Variants in CYP7B1 observed in about 807,000 individuals in gnomAD.
CYP7B1 encodes the protein cytochrome P450 family 7 subfamily B member 1, also known as cytochrome P450 7B1.
A neutral mutation model predicts 42.7 loss-of-function variants in CYP7B1; 29 were observed. The observed-to-expected ratio is 0.68, with a 90% confidence interval of 0.51 to 0.93. The LOEUF is 0.93. Among genes scored for constraint, CYP7B1 ranks in the 40% least tolerant of loss-of-function variants. The pLI is 0.00. For synonymous variants in CYP7B1, 235 were observed against 218.2 expected, an observed-to-expected ratio of 1.08 and a Z score of -0.68; for missense variants, 655 against 600.5, an observed-to-expected ratio of 1.09 and a Z score of -0.95.
chr8:64,721,803 C>G (rs1807240398), intron 1 of CYP7B1, among the ~76,000 whole-genome samples: 1 of 151,754 alleles, frequency 6.6e-6, no homozygotes, highest in Non-Finnish European at 1.5e-5. Flanking sequence ...AGATACACAG[C>G]CTATATAATT....
chr8:64,601,885 C>A (rs987165594), intron 5 of CYP7B1, among the ~76,000 whole-genome samples: 2 of 152,144 alleles, frequency 1.3e-5, no homozygotes, highest in African/African-American at 4.8e-5. Flanking sequence ...CTCCTTTTGC[C>A]ATAGTTCTTA....
At chr8:64,701,093 G>T (rs1256455141) in intron 1 of CYP7B1, among the ~76,000 whole-genome samples, 1 of 152,056 alleles carries the variant, frequency 6.6e-6, no homozygotes, top group Admixed American at 6.6e-5. Context: ...GGTGGTATTT[G>T]TTTGATGCAG....
intron 1 of CYP7B1, among the ~76,000 whole-genome samples, chr8:64,709,031 G>A (rs1405594139): frequency 1.1e-4 from 17 of 152,184 alleles, no homozygotes; most frequent in Non-Finnish European, 4.4e-5. Context: ...TGATCTGACA[G>A]GCACTGAGCT....
At chr8:64,715,548 C>G (rs1356240925) in intron 1 of CYP7B1, among the ~76,000 whole-genome samples, 1 of 152,172 alleles carries the variant, frequency 6.6e-6, no homozygotes, top group East Asian at 1.9e-4. Context: ...GAAAGAACAT[C>G]CCATTTTGCT....
rs763677903 is a variant in CYP7B1 at position 64,615,956 on chromosome 8, A to T, written c.585T>A (p.Thr195=). The part of the protein sequence containing the change: ...SSIIFEITFT[T]IYGKVIVCDN... ...CACAAACAATAACTTTTCCATATAT[A>T]GTTGTAAATGTGATCTCAAATATTA... The change falls in exon 3 of 6, where the codon ACT becomes ACA. Residue 195 remains threonine (T), a synonymous_variant. Coordinates refer to ENST00000310193, the MANE Select transcript of CYP7B1 (RefSeq NM_004820.5). The T allele has an allele frequency of 2.5e-6, 4 of 1,613,540 alleles. No homozygotes were observed. The highest frequency in any genetic ancestry group is 3.4e-6 in the Non-Finnish European group (4 of 1,179,812).
Position 64,677,706 on chromosome 8 carries a change from G to GTTTT in CYP7B1, c.123-53171_123-53168dup, listed in dbSNP as rs11435388. Among the ~76,000 whole-genome samples the GTTTT allele has an allele frequency of 8.1e-4, 70 of 86,414 alleles. 6 individuals carry two copies. The highest frequency in any genetic ancestry group is 2.7e-3 in the African/African-American group (60 of 22,322). 56.7% of individuals were successfully genotyped at this position (86,414 alleles called of 152,430 possible). On this transcript the variant is annotated intron_variant, in intron 1 of 5. Transcript: ENST00000310193. Reference sequence around the variant, plus strand: ...GCATAAGAAGGAACCACACTCCTTGGTTTTTTTTTTTTTTTTTTTTTTTTT... The same window carrying GTTTT: ...GCATAAGAAGGAACCACACTCCTTGGTTTTTTTTTTTTTTTTTTTTTTTTTTTTT...
At chr8:64,775,368 T>C (rs1164681834) in intron 1 of CYP7B1, among the ~76,000 whole-genome samples, 5 of 152,162 alleles carry the variant, frequency 3.3e-5, no homozygotes, top group Admixed American at 3.3e-4. Flanking sequence ...ATATTCCTTA[T>C]AGTAAACTGT....
rs8192907 is a variant in CYP7B1 at position 64,596,593 on chromosome 8, G to A, written c.*49C>T. On this transcript the variant is annotated 3_prime_UTR_variant, in exon 6 of 6. Coordinates refer to ENST00000310193, the MANE Select transcript of CYP7B1 (RefSeq NM_004820.5). ...ATTAAAAAGAAATAGATGAGCTTAGGATGTTTAGGGTAATTTTGATAGATT... is the reference window on the plus strand; with the variant it reads ...ATTAAAAAGAAATAGATGAGCTTAGAATGTTTAGGGTAATTTTGATAGATT... 1.9e-3 allele frequency: 2,907 copies of A among 1,517,454 alleles called. 39 individuals are homozygous for A. Among genetic ancestry groups the A allele is most frequent in the East Asian group, 0.019 (824 of 43,422 alleles). 94.0% of individuals were successfully genotyped at this position (1,517,454 alleles called of 1,614,324 possible). A position where few individuals can be genotyped will look rare whatever the true frequency, so the allele number is the denominator to read the frequency against.
Position 64,798,686 on chromosome 8 carries a change from C to G in CYP7B1, c.-99G>C, listed in dbSNP as rs886063078. 43 of 1,333,864 alleles carry G rather than the reference C, an allele frequency of 3.2e-5. No individual in the cohort carries two copies. The highest frequency in any genetic ancestry group is 4.1e-5 in the Non-Finnish European group (42 of 1,028,360). 82.6% of individuals were successfully genotyped at this position (1,333,864 alleles called of 1,614,324 possible). ...GCGGCGGCTTCTCTCGGCGGCGCCC[C>G]CTAGTCCAGGGCCGGAGAGGCTGGC... is the stretch of plus-strand genomic sequence containing the variant. On this transcript the variant is annotated 5_prime_UTR_variant, in exon 1 of 6. Coordinates refer to ENST00000310193, the MANE Select transcript of CYP7B1 (RefSeq NM_004820.5).
At chr8:64,716,624 T>G (rs184858705) in intron 1 of CYP7B1, among the ~76,000 whole-genome samples, 2 of 152,234 alleles carry the variant, frequency 1.3e-5, no homozygotes, top group Admixed American at 1.3e-4. Context: ...TGAGACTCGC[T>G]TGAACCCGGG....
intron 1 of CYP7B1, 99 bp downstream of exon 1, chr8:64,798,367 G>A (rs1804740580): frequency 7.2e-7 from 1 of 1,397,262 alleles, no homozygotes; most frequent in South Asian, 1.6e-5. Context: ...CTGACTGTCT[G>A]CACTGGAAAT....
At chr8:64,774,165 CA>C (rs1237659021) in intron 1 of CYP7B1, among the ~76,000 whole-genome samples, 1 of 152,152 alleles carries the variant, frequency 6.6e-6, no homozygotes, top group Non-Finnish European at 1.5e-5. Context: ...AAATTATCAG[CA>C]ATTGTTTTTC....
At chr8:64,723,660 TA>T (rs1250649657) in intron 1 of CYP7B1, among the ~76,000 whole-genome samples, 2 of 152,196 alleles carry the variant, frequency 1.3e-5, no homozygotes, top group Non-Finnish European at 2.9e-5. Context: ...AATCTAAAGA[TA>T]TCTGTTAAAA....
chr8:64,655,223 G>C (rs1299239281), intron 1 of CYP7B1, among the ~76,000 whole-genome samples: 1 of 152,128 alleles, frequency 6.6e-6, no homozygotes, highest in Non-Finnish European at 1.5e-5. Flanking sequence ...ACTATCAACA[G>C]AGTAAACAGA....
intron 1 of CYP7B1, among the ~76,000 whole-genome samples, chr8:64,780,083 T>C (rs559970560): frequency 2.0e-5 from 3 of 152,296 alleles, no homozygotes; most frequent in African/African-American, 4.8e-5. Flanking sequence ...TCTCCATTTA[T>C]AAAATATTCA....
intron 5 of CYP7B1, among the ~76,000 whole-genome samples, chr8:64,599,291 C>G (rs1468749961): frequency 6.6e-6 from 1 of 152,088 alleles, no homozygotes; most frequent in Non-Finnish European, 1.5e-5. Flanking sequence ...TGGGTTCACG[C>G]CATTCTCCTG....
chr8:64,755,836 G>T lies in CYP7B1; in HGVS notation c.122+42630C>A, dbSNP rs115659326. ...GGTAATATAGGTCTACTAATGGAAA[G>T]AATGAAATTATTTTAGGGGGAGTCA... On this transcript the variant is annotated intron_variant, in intron 1 of 5. Transcript: ENST00000310193. Among the ~76,000 whole-genome samples, 544 of 152,264 alleles carry T rather than the reference G, an allele frequency of 3.6e-3. 3 individuals carry two copies. Among genetic ancestry groups the T allele is most frequent in the African/African-American group, 0.012 (507 of 41,536 alleles).
chr8:64,689,359 A>G (rs1205570078), intron 1 of CYP7B1, among the ~76,000 whole-genome samples: 5 of 152,264 alleles, frequency 3.3e-5, no homozygotes, highest in African/African-American at 9.6e-5. Flanking sequence ...GGCAGGCACC[A>G]TAAGTGCCTA....
chr8:64,693,388 C>A (rs531411809), intron 1 of CYP7B1, among the ~76,000 whole-genome samples: 1 of 152,286 alleles, frequency 6.6e-6, no homozygotes, highest in South Asian at 2.1e-4. Context: ...GGCAAGGAGG[C>A]AGCAATGGGG....
Sources: allele counts gnomAD v4.1 joint callset (sites outside exome capture counted in the v4.1 genomes callset), GRCh38; gene constraint gnomAD v4.1.1; transcripts MANE v1.5; gene names NCBI Gene and HGNC (gene_info 2026-07-23, HGNC 2026-07-21).